VWA8: variants seen among roughly 807,000 people sequenced by gnomAD.
VWA8 encodes von Willebrand factor A domain containing 8.
VWA8 carries 221 observed loss-of-function variants against 241.5 expected under a neutral mutation model. That is an observed-to-expected ratio of 0.91 (90% CI 0.82 to 1.02). VWA8 has a LOEUF of 1.02. Among genes scored for constraint, VWA8 ranks in the 50% least tolerant of loss-of-function variants. The pLI, the probability that VWA8 is intolerant of heterozygous loss-of-function variation, is 0.00. For synonymous variants in VWA8, 852 were observed against 827.1 expected (o/e 1.03, Z -0.52); for missense variants, 2,322 against 2,328.7 (o/e 1.00, Z 0.06).
In VWA8 at chr13:41,628,514, G is replaced by A. The variant is rs1224727938; in HGVS notation, c.4612-13430C>T. Among the ~76,000 whole-genome samples the A allele has an allele frequency of 2.0e-5, 3 of 152,100 alleles. No individual in the cohort carries two copies. In the South Asian group the frequency reaches 6.2e-4, roughly 32 times the overall value. On this transcript the variant is annotated intron_variant, in intron 37 of 44. Coordinates refer to ENST00000379310, the MANE Select transcript of VWA8 (RefSeq NM_015058.2). Reference sequence around the variant, plus strand: ...TTGTAGCACTTCCCACAATGGCAAAGACATTAAATTAACCTAGGCTCCCAT... The same window carrying A: ...TTGTAGCACTTCCCACAATGGCAAAAACATTAAATTAACCTAGGCTCCCAT...
chr13:41,803,887 A>G (rs1225967696), intron 17 of VWA8, among the ~76,000 whole-genome samples: 3 of 152,250 alleles, frequency 2.0e-5, no homozygotes, highest in East Asian at 1.9e-4. Context: ...GAAAAATTCA[A>G]TTGAAATACT....
intron 4 of VWA8, among the ~76,000 whole-genome samples, chr13:41,893,514 C>A (rs1277263688): frequency 7.0e-6 from 1 of 143,286 alleles, no homozygotes; most frequent in Non-Finnish European, 1.5e-5. Flanking sequence ...TTCTAAAGAA[C>A]AACAACAAAA....
intron 4 of VWA8, 34 bp from the exon 5 acceptor site, chr13:41,891,621 T>C (rs1593849416): frequency 1.1e-5 from 17 of 1,610,880 alleles, no homozygotes; most frequent in Non-Finnish European, 1.4e-5. Flanking sequence ...AAAATGAGAA[T>C]ACTGAAGTTG....
rs1593705854 is a variant in VWA8, at chr13:41,701,394, T to C, written c.3362A>G (p.His1121Arg). The C allele has an allele frequency of 1.3e-6, 2 of 1,598,630 alleles. No individual in the cohort carries two copies. Among genetic ancestry groups the C allele is most frequent in the East Asian group, 2.2e-5 (1 of 44,496 alleles). ...ATCAAAAGAATAAGCAGACATACCATGTGATGTAGCAATGTCACAGATTAT... is the reference window on the plus strand; with the variant it reads ...ATCAAAAGAATAAGCAGACATACCACGTGATGTAGCAATGTCACAGATTAT... ...INIICDIATS[H>R]ENEQNTLYVV... Residue 1121 changes from histidine (H) to arginine (R), a missense_variant and splice_region_variant, in exon 28 of 45, where the codon CAT (histidine) becomes CGT (arginine). Physicochemically the swap from His to Arg is conservative, Grantham distance 29 (BLOSUM62 0). Transcript: ENST00000379310.
At chr13:41,576,555 T>C (rs1457277736) in intron 42 of VWA8, among the ~76,000 whole-genome samples, 1 of 152,214 alleles carries the variant, frequency 6.6e-6, no homozygotes, top group Non-Finnish European at 1.5e-5. Flanking sequence ...AAGAAGGGTT[T>C]CCTAGGGAAG....
At chr13:41,836,485 T>C (rs901937255) in intron 12 of VWA8, among the ~76,000 whole-genome samples, 18 of 152,262 alleles carry the variant, frequency 1.2e-4, no homozygotes, top group African/African-American at 4.3e-4. Context: ...CTCAGACTCC[T>C]AAAAAGCTGA....
intron 12 of VWA8, among the ~76,000 whole-genome samples, chr13:41,843,407 C>T (rs1872143513): frequency 6.6e-6 from 1 of 152,050 alleles, no homozygotes; most frequent in Non-Finnish European, 1.5e-5. Context: ...TTCAAATCAA[C>T]AATCTAATCT....
At chr13:41,881,900 G>T (rs1283221523) in intron 9 of VWA8, among the ~76,000 whole-genome samples, 1 of 148,422 alleles carries the variant, frequency 6.7e-6, no homozygotes, top group Non-Finnish European at 1.5e-5. Flanking sequence ...TGGCCTGGCG[G>T]GGGCTGACCC....
In VWA8 at chr13:41,587,607, A is replaced by G. The variant is rs746799971; in HGVS notation, c.5176T>C (p.Tyr1726His). 6.2e-7 allele frequency: 1 copy of G among 1,614,084 alleles called. No homozygotes were observed. Among genetic ancestry groups the G allele is most frequent in the African/African-American group, 1.3e-5 (1 of 74,926 alleles). ...RLVVDVSGSM[Y>H]RFNRMDGRLE... ...CGGCCATCCATCCTGTTGAAACGGTACATGCTACCAGACACATCTACCACC... is the reference window on the plus strand; with the variant it reads ...CGGCCATCCATCCTGTTGAAACGGTGCATGCTACCAGACACATCTACCACC... The change falls in exon 42 of 45, where the codon TAC becomes CAC. Residue 1726 changes from tyrosine to histidine, a missense_variant. Transcript: ENST00000379310.
At chr13:41,919,044 C>T (rs1328672369) in intron 2 of VWA8, among the ~76,000 whole-genome samples, 1 of 151,986 alleles carries the variant, frequency 6.6e-6, no homozygotes, top group Non-Finnish European at 1.5e-5. Context: ...AGCACTCCTC[C>T]CCCATAAAAA....
chr13:41,630,918 T>C (rs2044721847), intron 37 of VWA8, among the ~76,000 whole-genome samples: 1 of 152,186 alleles, frequency 6.6e-6, no homozygotes, highest in Non-Finnish European at 1.5e-5. Context: ...TACAATCTTT[T>C]CCACAGTAAA....
At chr13:41,855,505 A>G (rs1354364865) in intron 12 of VWA8, among the ~76,000 whole-genome samples, 4 of 151,634 alleles carry the variant, frequency 2.6e-5, no homozygotes, top group Admixed American at 2.6e-4. Flanking sequence ...ATTAAAAGGA[A>G]CAAACTACTG....
intron 43 of VWA8, among the ~76,000 whole-genome samples, chr13:41,573,875 GC>G (rs1444359351): frequency 6.6e-6 from 1 of 152,064 alleles, no homozygotes; most frequent in Non-Finnish European, 1.5e-5. Flanking sequence ...GCCCGCCTCG[GC>G]CTCCCGGGGT....
chr13:41,806,327 G>A (rs11842084), intron 17 of VWA8, among the ~76,000 whole-genome samples: 9,836 of 152,200 alleles, frequency 0.065, 400 homozygotes, highest in East Asian at 0.12. Context: ...AACTAGAAAT[G>A]CAGGAGCAAA....
intron 14 of VWA8, among the ~76,000 whole-genome samples, chr13:41,824,145 G>A (rs748069944): frequency 1.9e-4 from 29 of 152,184 alleles, no homozygotes; most frequent in Non-Finnish European, 3.8e-4. Flanking sequence ...CTTGGTCTTG[G>A]AAAGGGCTAG....
chr13:41,600,207 T>C (rs2044512396), intron 40 of VWA8, among the ~76,000 whole-genome samples: 2 of 152,158 alleles, frequency 1.3e-5, no homozygotes, highest in Non-Finnish European at 2.9e-5. Context: ...TAATTTCTCC[T>C]GACGTGGGGT....
At chr13:41,763,457 A>G (rs1398443149) in intron 20 of VWA8, among the ~76,000 whole-genome samples, 1 of 152,186 alleles carries the variant, frequency 6.6e-6, no homozygotes, top group Non-Finnish European at 1.5e-5. Context: ...ACAATGGATC[A>G]TTTCATCTTC....
chr13:41,821,170 T>C (rs1053914911), intron 14 of VWA8, among the ~76,000 whole-genome samples: 1 of 152,140 alleles, frequency 6.6e-6, no homozygotes, highest in African/African-American at 2.4e-5. Context: ...TGCTAAATGG[T>C]TTACATTTAA....
At chr13:41,782,849 T>A (rs1030121872) in intron 19 of VWA8, among the ~76,000 whole-genome samples, 1 of 151,864 alleles carries the variant, frequency 6.6e-6, no homozygotes, top group Non-Finnish European at 1.5e-5. Flanking sequence ...TCTAAAAAAA[T>A]TCTTATTAAA....
Sources: allele counts gnomAD v4.1 joint callset (sites outside exome capture counted in the v4.1 genomes callset), GRCh38; gene constraint gnomAD v4.1.1; transcripts MANE v1.5; gene names NCBI Gene and HGNC (gene_info 2026-07-23, HGNC 2026-07-21).